The following CD8B2 variants were observed in gnomAD, a reference collection of about 807,000 sequenced individuals.
The protein encoded by CD8B2 is CD8B family member 2, also known as T-cell surface glycoprotein CD8 beta-2 chain.
In CD8B2, 11 loss-of-function variants were observed where a neutral mutation model predicts 23.7. The ratio of observed to expected loss-of-function variants is 0.46; its 90% CI spans 0.29 to 0.77. The LOEUF (loss-of-function observed/expected upper bound fraction) is 0.77. CD8B2 is among the 30% of genes least tolerant of loss of function. CD8B2 has a pLI of 0.09. For missense variants in CD8B2, 197 were observed against 270.5 expected, an observed-to-expected ratio of 0.73 and a Z score of 1.91; for synonymous variants, 90 against 109.3, an observed-to-expected ratio of 0.82 and a Z score of 1.10.
At chr2:106,520,621 G>C (rs1317910183) in intron 5 of CD8B2, among the ~76,000 whole-genome samples, 1 of 152,174 alleles carries the variant, frequency 6.6e-6, no homozygotes, top group Non-Finnish European at 1.5e-5. Context: ...GCCGGGCATG[G>C]TGGCTCACAC....
At chr2:106,527,737 T>C (rs928507364) in intron 5 of CD8B2, among the ~76,000 whole-genome samples, 1 of 152,142 alleles carries the variant, frequency 6.6e-6, no homozygotes, top group African/African-American at 2.4e-5. Context: ...GAGCCGATAT[T>C]GCAGCACTGC....
intron 5 of CD8B2, among the ~76,000 whole-genome samples, chr2:106,521,075 A>T (rs1414058786): frequency 6.6e-6 from 1 of 151,620 alleles, no homozygotes; most frequent in Non-Finnish European, 1.5e-5. Flanking sequence ...AGAGAGACAG[A>T]TGCGAGAATG....
chr2:106,530,115 G>A (rs531718042), intron 5 of CD8B2, among the ~76,000 whole-genome samples: 1 of 152,302 alleles, frequency 6.6e-6, no homozygotes, highest in East Asian at 1.9e-4. Context: ...GAGGACTGCA[G>A]CAGTTACCTG....
At chr2:106,543,901 T>C in intron 5 of CD8B2, 1 of 398,124 alleles carries the variant, frequency 2.5e-6, no homozygotes. Flanking sequence ...TTTGTGCTTA[T>C]ACACTGAAAG....
intron 5 of CD8B2, among the ~76,000 whole-genome samples, chr2:106,527,189 A>G (rs1209157565): frequency 6.6e-6 from 1 of 152,172 alleles, no homozygotes; most frequent in Non-Finnish European, 1.5e-5. Flanking sequence ...CATTCCCACC[A>G]GGAATGTAAG....
chr2:106,490,437 A>G (rs1210160775), intron 1 of CD8B2, among the ~76,000 whole-genome samples: 6 of 152,098 alleles, frequency 3.9e-5, no homozygotes, highest in African/African-American at 1.4e-4. Flanking sequence ...TGAGGTGGGA[A>G]GATAGATTGA....
At chr2:106,532,331 A>G (rs7565587) in intron 5 of CD8B2, among the ~76,000 whole-genome samples, 76,075 of 151,956 alleles carry the variant, frequency 0.5, 19,436 homozygotes, top group Non-Finnish European at 0.55. Flanking sequence ...TATTCTCTTT[A>G]CACATTTTTT....
At chr2:106,538,698 T>C (rs1680129029) in intron 5 of CD8B2, among the ~76,000 whole-genome samples, 1 of 152,142 alleles carries the variant, frequency 6.6e-6, no homozygotes, top group Non-Finnish European at 1.5e-5. Context: ...CTTCCGTGTG[T>C]CCAGGCACTC....
rs1389362288 is a variant in CD8B2, at chr2:106,502,748, T to C, written c.583+185T>C. Among the ~76,000 whole-genome samples the C allele has an allele frequency of 3.5e-4, 53 of 152,170 alleles. 1 individual carries two copies. Among genetic ancestry groups the C allele is most frequent in the Admixed American group, 3.5e-3 (53 of 15,274 alleles). On this transcript the variant is annotated intron_variant, in intron 4 of 5. Transcript: ENST00000643224. ...ACGCAGCCAAAACCAAAGACCACCC[T>C]GTCCCTGGAGTCAGGCAAACCTGGG...
rs915488786 is a variant in CD8B2, at chr2:106,510,542, A to G, written c.*3602A>G. On this transcript the variant is annotated 3_prime_UTR_variant, in exon 6 of 6. Transcript: ENST00000643224. ...TCAGGAGTTTGAGAGCAGCCTAGGC[A>G]ACATAGCAAGACCTCGACTCTACAA... is the stretch of plus-strand genomic sequence containing the variant. 1 of 152,132 alleles carries G rather than the reference A, an allele frequency of 6.6e-6. No homozygotes were observed. The highest frequency in any genetic ancestry group is 2.4e-5 in the African/African-American group (1 of 41,420). The allele number at this position is 152,132 out of a possible 1,614,324, so 9.4% of individuals were successfully genotyped here.
chr2:106,508,315 ACCAC>A lies in CD8B2; in HGVS notation c.*1376_*1379del, dbSNP rs1262679200. The A allele has an allele frequency of 1.3e-5, 2 of 152,084 alleles. No individual in the cohort carries two copies. Among genetic ancestry groups the A allele is most frequent in the Non-Finnish European group, 2.9e-5 (2 of 68,038 alleles). The allele number at this position is 152,084 out of a possible 1,614,324, so 9.4% of individuals were successfully genotyped here. A position where few individuals can be genotyped will look rare whatever the true frequency, so the allele number is the denominator to read the frequency against. Reference sequence around the variant, plus strand: ...AGGTTATGTTCAGTTACCTGTGACAACCACAGAATGTAAGAAATGTTACAAAAAA... The same window carrying A: ...AGGTTATGTTCAGTTACCTGTGACAAAGAATGTAAGAAATGTTACAAAAAA... On this transcript the variant is annotated 3_prime_UTR_variant, in exon 6 of 6. Coordinates refer to ENST00000643224, the MANE Select transcript of CD8B2 (RefSeq NM_001349727.2).
chr2:106,506,176 G>A (rs912684620), intron 5 of CD8B2, among the ~76,000 whole-genome samples: 9 of 151,808 alleles, frequency 5.9e-5, no homozygotes, highest in Admixed American at 5.3e-4. Context: ...TCTCTCCCAT[G>A]ATGACCTTTC....
chr2:106,519,578 C>T (rs1010430899), intron 5 of CD8B2, among the ~76,000 whole-genome samples: 2 of 152,150 alleles, frequency 1.3e-5, no homozygotes, highest in African/African-American at 4.8e-5. Flanking sequence ...AGCCCAACAA[C>T]CCTGTGACGA....
chr2:106,491,069 T>C lies in CD8B2; in HGVS notation c.239T>C (p.Ile80Thr), dbSNP rs371393627. The C allele has an allele frequency of 1.4e-4, 222 of 1,613,958 alleles. No homozygotes were observed. The highest frequency in any genetic ancestry group is 1.4e-3 in the South Asian group (123 of 91,070). ...CTCTGGGATTCCGCAAAAGGGACTA[T>C]CCACGGTGAAGAGGTGGAACAGGAG... ...LTLWDSAKGT[I>T]HGEEVEQEKI... The change falls in exon 2 of 6, where the codon ATC becomes ACC. Residue 80 changes from isoleucine to threonine, a missense_variant. By Grantham distance (89) the Ile-to-Thr change is moderately conservative. This residue lies in a region of CD8B2 where 140 missense variants were observed against 164.2 expected (regional missense o/e 0.85). Coordinates refer to ENST00000643224, the MANE Select transcript of CD8B2 (RefSeq NM_001349727.2).
At chr2:106,498,428 G>A (rs1249369238) in intron 3 of CD8B2, among the ~76,000 whole-genome samples, 1 of 152,276 alleles carries the variant, frequency 6.6e-6, no homozygotes, top group Admixed American at 6.5e-5. Flanking sequence ...GATTACAGGC[G>A]TGAGCCACTA....
At chr2:106,490,350 T>C (rs1176958134) in intron 1 of CD8B2, among the ~76,000 whole-genome samples, 3 of 152,144 alleles carry the variant, frequency 2.0e-5, no homozygotes, top group Non-Finnish European at 4.4e-5. Flanking sequence ...TTTCCTCATC[T>C]GTGTAACGAG....
In CD8B2 at chr2:106,540,704, A is replaced by G. The variant is rs1303587934; in HGVS notation, c.621-3288A>G. 2.0e-5 allele frequency among the ~76,000 whole-genome samples: 3 copies of G among 152,122 alleles called. No homozygotes were observed. In the East Asian group the frequency reaches 5.8e-4, roughly 30 times the overall value. On this transcript the variant is annotated intron_variant, in intron 5 of 5. Coordinates refer to the CD8B2 transcript ENST00000416057. ...CTCAGCCTCCTGAGTAGTTGGGATT[A>G]CAGGCGCCTACCACCACGCCAGGCT...
At chr2:106,543,165 G>A (rs1280619503) in intron 5 of CD8B2, 1 of 152,102 alleles carries the variant, frequency 6.6e-6, no homozygotes, top group African/African-American at 2.4e-5. Flanking sequence ...TTTGTATCCC[G>A]ACCGCCGGGA....
At chr2:106,525,720 T>A (rs1177522705) in intron 5 of CD8B2, among the ~76,000 whole-genome samples, 4 of 152,222 alleles carry the variant, frequency 2.6e-5, no homozygotes, top group Non-Finnish European at 5.9e-5. Flanking sequence ...AAATAATGTA[T>A]AATATGGCCT....
Sources: allele counts gnomAD v4.1 joint callset (sites outside exome capture counted in the v4.1 genomes callset), GRCh38; gene constraint gnomAD v4.1.1; regional missense constraint gnomAD v4.1.1; transcripts MANE v1.5; gene names NCBI Gene and HGNC (gene_info 2026-07-23, HGNC 2026-07-21).